NPAS3: variants seen among roughly 807,000 people sequenced by gnomAD.
NPAS3 encodes the protein neuronal PAS domain-containing protein 3.
A neutral mutation model predicts 73.1 loss-of-function variants in NPAS3; 14 were observed. That is an observed-to-expected ratio of 0.19 (90% confidence interval 0.13 to 0.30). The LOEUF is 0.30. NPAS3 is among the 10% of genes least tolerant of loss of function. The pLI, the probability that NPAS3 is intolerant of heterozygous loss-of-function variation, is 1.00. For synonymous variants in NPAS3, 620 were observed against 541.5 expected, an observed-to-expected ratio of 1.14 and a Z score of -2.01; for missense variants, 1,096 against 1,250.0, an observed-to-expected ratio of 0.88 and a Z score of 1.86.
intron 4 of NPAS3, among the ~76,000 whole-genome samples, chr14:33,418,371 G>A (rs771528216): frequency 6.6e-6 from 1 of 151,942 alleles, no homozygotes; most frequent in Non-Finnish European, 1.5e-5. Context: ...ATAGATAGTA[G>A]GGAAGCCTCC....
At position 33,761,471 on chromosome 14, in the gene NPAS3, G is replaced by T. The variant is rs923692697; in HGVS notation, c.853-12866G>T. On this transcript the variant is annotated intron_variant, in intron 7 of 11. Coordinates refer to ENST00000356141, the Ensembl canonical transcript of NPAS3. ...GGTATTAGGGAAAAATATCCTCAAG[G>T]CATTATTTTTAAAGGGGACTTCAAA... Among the ~76,000 whole-genome samples the T allele has an allele frequency of 2.0e-5, 3 of 151,122 alleles. 1 individual carries two copies. The highest frequency in any genetic ancestry group is 7.3e-5 in the African/African-American group (3 of 40,924).
intron 1 of NPAS3, among the ~76,000 whole-genome samples, chr14:33,038,545 A>G (rs2040246351): frequency 6.6e-6 from 1 of 152,114 alleles, no homozygotes. Context: ...ATACACATAT[A>G]TATATATAAA....
intron 1 of NPAS3, among the ~76,000 whole-genome samples, chr14:32,945,159 T>C (rs546448112): frequency 1.6e-4 from 25 of 152,198 alleles, no homozygotes; most frequent in Non-Finnish European, 3.2e-4. Flanking sequence ...TATAAGGCTT[T>C]CTTTTTTCAC....
chr14:33,484,133 A>G (rs1171246753), intron 4 of NPAS3, among the ~76,000 whole-genome samples: 2 of 152,108 alleles, frequency 1.3e-5, no homozygotes, highest in Non-Finnish European at 2.9e-5. Flanking sequence ...AAAGGATCCT[A>G]TGGTATGTTT....
intron 4 of NPAS3, among the ~76,000 whole-genome samples, chr14:33,443,608 A>T (rs1004831189): frequency 3.9e-5 from 6 of 152,196 alleles, no homozygotes; most frequent in African/African-American, 1.4e-4. Flanking sequence ...CAAAGGCTTT[A>T]TTGACTCCAG....
intron 2 of NPAS3, among the ~76,000 whole-genome samples, chr14:33,084,611 A>C (rs1399102650): frequency 6.6e-6 from 1 of 152,162 alleles, no homozygotes; most frequent in African/African-American, 2.4e-5. Context: ...CTCTATCTTG[A>C]GTCCCATGGA....
At chr14:33,371,469 C>A (rs567199091) in intron 4 of NPAS3, among the ~76,000 whole-genome samples, 1 of 152,068 alleles carries the variant, frequency 6.6e-6, no homozygotes, top group Non-Finnish European at 1.5e-5. Flanking sequence ...GAGATGAAAA[C>A]CTAACTCTTG....
At chr14:33,790,951 A>G (rs935644375) in intron 9 of NPAS3, among the ~76,000 whole-genome samples, 1 of 152,202 alleles carries the variant, frequency 6.6e-6, no homozygotes, top group Non-Finnish European at 1.5e-5. Flanking sequence ...TTCTTTTACA[A>G]GATCTGTTGC....
chr14:33,205,394 T>C (rs911688956), intron 2 of NPAS3, among the ~76,000 whole-genome samples: 3 of 152,224 alleles, frequency 2.0e-5, no homozygotes, highest in African/African-American at 7.2e-5. Flanking sequence ...TTGGTTATTT[T>C]TTCGTAAGGT....
intron 1 of NPAS3, among the ~76,000 whole-genome samples, chr14:32,998,999 C>A (rs1169568188): frequency 5.9e-5 from 9 of 152,196 alleles, no homozygotes. Context: ...GCTGGAACCA[C>A]ATCATATTCA....
intron 3 of NPAS3, among the ~76,000 whole-genome samples, chr14:33,228,156 T>G (rs1475117046): frequency 2.0e-5 from 3 of 152,190 alleles, no homozygotes; most frequent in Admixed American, 1.3e-4. Flanking sequence ...GGCTTTTGTT[T>G]TTAAGATTAT....
At chr14:33,505,951 C>G (rs2052739481) in intron 4 of NPAS3, among the ~76,000 whole-genome samples, 1 of 151,958 alleles carries the variant, frequency 6.6e-6, no homozygotes, top group African/African-American at 2.4e-5. Context: ...CATCGCCTTT[C>G]TTTCTGTCAG....
intron 2 of NPAS3, among the ~76,000 whole-genome samples, chr14:33,113,057 T>G (rs2042948521): frequency 6.6e-6 from 1 of 152,208 alleles, no homozygotes; most frequent in South Asian, 2.1e-4. Context: ...CCATGCTGTT[T>G]TGGTTACTGT....
intron 2 of NPAS3, among the ~76,000 whole-genome samples, chr14:33,182,531 T>C (rs959787366): frequency 6.6e-6 from 1 of 152,222 alleles, no homozygotes; most frequent in African/African-American, 2.4e-5. Context: ...TATAGTTGTA[T>C]TACTTGATAA....
chr14:33,347,301 C>A (rs554268112), intron 3 of NPAS3, among the ~76,000 whole-genome samples: 43 of 152,194 alleles, frequency 2.8e-4, no homozygotes, highest in Non-Finnish European at 5.3e-4. Flanking sequence ...AGGAAAAGAA[C>A]TCACAACATC....
intron 7 of NPAS3, among the ~76,000 whole-genome samples, chr14:33,750,213 T>TC (rs1306937015): frequency 6.7e-6 from 1 of 149,072 alleles, no homozygotes; most frequent in Non-Finnish European, 1.5e-5. Flanking sequence ...TTTCAGCTAT[T>TC]CCTTTTTTTT....
chr14:32,991,799 T>G (rs142986978), intron 1 of NPAS3, among the ~76,000 whole-genome samples: 2 of 152,318 alleles, frequency 1.3e-5, no homozygotes, highest in East Asian at 3.9e-4. Context: ...ATTCGTTGCC[T>G]TGGTAATTTG....
intron 4 of NPAS3, among the ~76,000 whole-genome samples, chr14:33,531,578 T>C (rs895687036): frequency 1.3e-5 from 2 of 152,126 alleles, no homozygotes; most frequent in Admixed American, 6.6e-5. Flanking sequence ...TGTTCAACCA[T>C]TGAAGGACAT....
At chr14:33,047,846 G>T (rs764788240) in intron 1 of NPAS3, among the ~76,000 whole-genome samples, 4 of 152,170 alleles carry the variant, frequency 2.6e-5, no homozygotes, top group Non-Finnish European at 4.4e-5. Flanking sequence ...TTTCTCAGTG[G>T]AAGGACAAGT....
Sources: allele counts gnomAD v4.1 joint callset (sites outside exome capture counted in the v4.1 genomes callset), GRCh38; gene constraint gnomAD v4.1.1; transcripts MANE v1.5; gene names NCBI Gene and HGNC (gene_info 2026-07-23, HGNC 2026-07-21).